Variants in XKR9 observed in about 807,000 individuals in gnomAD.
The protein encoded by XKR9 is XK-related protein 9.
XKR9 carries 32 observed loss-of-function variants against 32.0 expected under a neutral mutation model. The ratio of observed to expected loss-of-function variants is 1.00; its 90% CI spans 0.76 to 1.34. The LOEUF is 1.34. XKR9 is among the 40% of genes most tolerant of loss of function. XKR9 has a pLI of 0.00. For missense variants in XKR9, 546 were observed against 429.7 expected, an observed-to-expected ratio of 1.27 and a Z score of -2.39; for synonymous variants, 168 against 143.4, an observed-to-expected ratio of 1.17 and a Z score of -1.22.
chr8:70,915,814 G>T, the XKR9 span, among the ~76,000 whole-genome samples: 6 of 152,098 alleles, frequency 3.9e-5, no homozygotes, highest in Non-Finnish European at 1.5e-5. Context: ...CTGAAAAGCC[G>T]CCTTTTGTGG....
the XKR9 span, among the ~76,000 whole-genome samples, chr8:70,939,372 A>G: frequency 6.6e-6 from 1 of 152,110 alleles, no homozygotes; most frequent in South Asian, 2.1e-4. Context: ...TTTGTTTTGT[A>G]CATGAGTAGC....
At chr8:70,880,248 A>G in the XKR9 span, among the ~76,000 whole-genome samples, 19 of 152,304 alleles carry the variant, frequency 1.2e-4, no homozygotes, top group Admixed American at 3.9e-4. Flanking sequence ...ACTCCTATTC[A>G]ATATAGTGTT....
At chr8:70,842,690 T>A in the XKR9 span, among the ~76,000 whole-genome samples, 1 of 152,352 alleles carries the variant, frequency 6.6e-6, no homozygotes, top group South Asian at 2.1e-4. Flanking sequence ...ATCCTTTTTA[T>A]GTAGCCAGTT....
At chr8:71,053,208 G>A in the XKR9 span, among the ~76,000 whole-genome samples, 2 of 152,172 alleles carry the variant, frequency 1.3e-5, no homozygotes, top group Non-Finnish European at 2.9e-5. Context: ...ACAGAATGGT[G>A]CATATCTGAA....
At chr8:70,823,724 A>G in the XKR9 span, among the ~76,000 whole-genome samples, 2 of 152,154 alleles carry the variant, frequency 1.3e-5, no homozygotes, top group East Asian at 3.9e-4. Flanking sequence ...TCATATCTCA[A>G]CGAGGTGAGT....
the XKR9 span, among the ~76,000 whole-genome samples, chr8:70,838,848 C>T: frequency 6.6e-6 from 1 of 151,990 alleles, no homozygotes; most frequent in South Asian, 2.1e-4. Flanking sequence ...GTAGAAAAAA[C>T]TAGTTAAGAG....
intron 2 of XKR9, among the ~76,000 whole-genome samples, chr8:70,753,711 A>G (rs978096341): frequency 2.0e-5 from 3 of 152,054 alleles, no homozygotes; most frequent in African/African-American, 7.2e-5. Context: ...GACAAAATTC[A>G]ACAACGCTTC....
intron 3 of XKR9, among the ~76,000 whole-genome samples, chr8:70,702,747 A>C (rs1303946025): frequency 1.3e-5 from 2 of 152,160 alleles, no homozygotes; most frequent in South Asian, 2.1e-4. Flanking sequence ...TAGCCATATG[A>C]AGTTTTTTAT....
the XKR9 span, among the ~76,000 whole-genome samples, chr8:70,996,904 G>T: frequency 6.6e-6 from 1 of 152,178 alleles, no homozygotes; most frequent in Non-Finnish European, 1.5e-5. Context: ...ATGCCAAGAA[G>T]AATCTGAACA....
intron 2 of XKR9, among the ~76,000 whole-genome samples, chr8:70,777,509 C>T (rs1417605032): frequency 1.3e-5 from 2 of 152,126 alleles, no homozygotes; most frequent in East Asian, 1.9e-4. Context: ...ATTTCTAGTT[C>T]TAGATCCCTG....
the XKR9 span, among the ~76,000 whole-genome samples, chr8:70,981,128 T>A: frequency 6.6e-6 from 1 of 152,216 alleles, no homozygotes; most frequent in Non-Finnish European, 1.5e-5. Context: ...GGTGATGATC[T>A]TTTTGCGATG....
chr8:70,797,661 T>C, the XKR9 span, among the ~76,000 whole-genome samples: 1 of 152,090 alleles, frequency 6.6e-6, no homozygotes, highest in Non-Finnish European at 1.5e-5. Flanking sequence ...GATTATTTCA[T>C]TGGCATAGTA....
At chr8:70,769,667 C>T (rs567148128) in intron 2 of XKR9, among the ~76,000 whole-genome samples, 4 of 151,992 alleles carry the variant, frequency 2.6e-5, no homozygotes, top group Admixed American at 2.0e-4. Flanking sequence ...ATCTTGTCTT[C>T]ATCCTTTATT....
Position 70,741,003 on chromosome 8 carries a change from C to G in XKR9, n.352+33850C>G, listed in dbSNP as rs144712524. Among the ~76,000 whole-genome samples the G allele has an allele frequency of 9.7e-3, 1,476 of 152,356 alleles. 23 individuals carry two copies. Among genetic ancestry groups the G allele is most frequent in the African/African-American group, 0.034 (1,406 of 41,580 alleles). ...AACCACTGCTCTCTTCAAAAGCTGT[C>G]AGACAGGGACATTGAAGTCTGCAGA... On this transcript the variant is annotated intron_variant and non_coding_transcript_variant, in intron 2 of 3. Coordinates refer to the XKR9 transcript ENST00000520273.
intron 4 of XKR9, among the ~76,000 whole-genome samples, chr8:70,715,092 T>C (rs1449099177): frequency 1.3e-5 from 2 of 152,116 alleles, no homozygotes; most frequent in African/African-American, 4.8e-5. Context: ...TGCCTTCACA[T>C]TGGGAATAAA....
chr8:70,868,038 T>G, the XKR9 span, among the ~76,000 whole-genome samples: 1 of 152,316 alleles, frequency 6.6e-6, no homozygotes, highest in Non-Finnish European at 1.5e-5. Flanking sequence ...ATGTCTCATA[T>G]CCAGGTCACA....
intron 4 of XKR9, among the ~76,000 whole-genome samples, chr8:70,719,956 G>A (rs927582365): frequency 6.6e-6 from 1 of 152,058 alleles, no homozygotes; most frequent in Admixed American, 6.5e-5. Context: ...CCATTTGTTT[G>A]TGTCCTCTTT....
At chr8:71,043,173 C>T in the XKR9 span, among the ~76,000 whole-genome samples, 23 of 151,994 alleles carry the variant, frequency 1.5e-4, no homozygotes, top group African/African-American at 5.6e-4. Context: ...TTCACTGTTC[C>T]CCCAGTGCCC....
At chr8:70,946,126 T>C in the XKR9 span, among the ~76,000 whole-genome samples, 1 of 152,074 alleles carries the variant, frequency 6.6e-6, no homozygotes, top group Non-Finnish European at 1.5e-5. Flanking sequence ...ACAGTGAGAC[T>C]CTGTCTCAAA....
Sources: allele counts gnomAD v4.1 joint callset (sites outside exome capture counted in the v4.1 genomes callset), GRCh38; gene constraint gnomAD v4.1.1; transcripts MANE v1.5; gene names NCBI Gene and HGNC (gene_info 2026-07-23, HGNC 2026-07-21).